The following TPM1 variants were observed in gnomAD, a reference collection of about 807,000 sequenced individuals.
TPM1 encodes the protein tropomyosin alpha-1 chain.
In TPM1, 24 loss-of-function variants were observed where a neutral mutation model predicts 42.9. That is an observed-to-expected ratio of 0.56 (90% CI 0.41 to 0.79). The LOEUF (loss-of-function observed/expected upper bound fraction) is 0.79. TPM1 is among the 30% of genes least tolerant of loss of function. TPM1 has a pLI of 0.00. For missense variants in TPM1, 158 were observed against 351.8 expected, an observed-to-expected ratio of 0.45 and a Z score of 4.41; for synonymous variants, 136 against 130.1, an observed-to-expected ratio of 1.05 and a Z score of -0.31.
intron 2 of TPM1, chr15:63,049,136 A>G (rs1332229847): frequency 4.5e-6 from 1 of 223,428 alleles, no homozygotes; most frequent in Middle Eastern, 1.6e-3. Context: ...CCGACAGGTC[A>G]AGTGGGAGAG....
intron 3 of TPM1, 89 bp from the exon 4 acceptor site, chr15:63,059,474 C>A: frequency 1.9e-6 from 2 of 1,032,958 alleles, no homozygotes; most frequent in East Asian, 2.7e-5. Flanking sequence ...CTACCACTTA[C>A]ACTAAGCCTC....
intron 2 of TPM1, among the ~76,000 whole-genome samples, chr15:63,054,150 G>A (rs2034403151): frequency 6.6e-6 from 1 of 152,132 alleles, no homozygotes; most frequent in African/African-American, 2.4e-5. Context: ...GGTCTGCTGT[G>A]TGTGCCCTAC....
In TPM1 at chr15:63,071,291, T is replaced by C. The variant is rs138843544; in HGVS notation, c.*119T>C. ...CACTGTCACAGAAACATCCACAAGA[T>C]ACCAGCTAGGTCAGGGGGTGGGGAA... On this transcript the variant is annotated 3_prime_UTR_variant, in exon 9 of 9. Transcript: ENST00000267996. 34,187 of 1,175,440 alleles carry C rather than the reference T, an allele frequency of 0.029. 635 individuals carry two copies. The highest frequency in any genetic ancestry group is 0.034 in the Non-Finnish European group (27,728 of 813,722). 72.8% of individuals were successfully genotyped at this position (1,175,440 alleles called of 1,614,324 possible).
At chr15:63,068,654 C>T (rs1386278823), downstream of TPM1, among the ~76,000 whole-genome samples, 1 of 152,304 alleles carries the variant, frequency 6.6e-6, no homozygotes, top group African/African-American at 2.4e-5. Flanking sequence ...CCAGTGCATA[C>T]CGGGCTCTTG....
chr15:63,063,414 C>CT lies in TPM1; in HGVS notation c.773-649dup, dbSNP rs138264204. On this transcript the variant is annotated intron_variant, in intron 8 of 9. Coordinates refer to ENST00000403994, the MANE Select transcript of TPM1 (RefSeq NM_001018005.2). Reference sequence around the variant, plus strand: ...TATGAAACCTGCAGCATTACAAAAACTAAGTTGCAGACTTGCCATATAAAG... The same window carrying CT: ...TATGAAACCTGCAGCATTACAAAAACTTAAGTTGCAGACTTGCCATATAAAG... The CT allele has an allele frequency of 4.0e-3, 3,901 of 978,442 alleles. 76 individuals are homozygous for CT. The African/African-American group carries it at 0.049, about 12-fold the overall frequency. 60.6% of individuals were successfully genotyped at this position (978,442 alleles called of 1,614,324 possible).
intron 2 of TPM1, chr15:63,048,931 C>T (rs572770363): frequency 1.7e-5 from 11 of 638,200 alleles, no homozygotes; most frequent in East Asian, 1.2e-4. Flanking sequence ...GTAAACGCTC[C>T]CAGGGGAAAC....
At chr15:63,068,703 A>G (rs1346237627), downstream of TPM1, among the ~76,000 whole-genome samples, 1 of 152,202 alleles carries the variant, frequency 6.6e-6, no homozygotes, top group Non-Finnish European at 1.5e-5. Context: ...CATCAGATAC[A>G]GACTGACTCC....
At chr15:63,067,105 T>G (rs963002203), downstream of TPM1, among the ~76,000 whole-genome samples, 4 of 112,766 alleles carry the variant, frequency 3.5e-5, no homozygotes, top group Non-Finnish European at 8.0e-5. Context: ...ATTTCTCCTG[T>G]TTTTTTTTTA....
rs1271358231 is a variant in TPM1, at chr15:63,043,626, C to G, written c.115-401C>G. 4 of 1,531,816 alleles carry G rather than the reference C, an allele frequency of 2.6e-6. No individual in the cohort carries two copies. The African/African-American group carries it at 4.1e-5, about 16-fold the overall frequency. The allele number at this position is 1,531,816 out of a possible 1,614,324, so 94.9% of individuals were successfully genotyped here. A position where few individuals can be genotyped will look rare whatever the true frequency, so the allele number is the denominator to read the frequency against. On this transcript the variant is annotated intron_variant, in intron 1 of 9. Transcript: ENST00000403994. ...GCGCCCCGAGCCCGAGGGGCCCCAG[C>G]CAACCCGACGCCCGTGTGTTGTGTG...
chr15:63,061,609 C>T (rs889527913), intron 5 of TPM1, 104 bp from the exon 6 acceptor site: 20 of 1,112,810 alleles, frequency 1.8e-5, no homozygotes, highest in Admixed American at 5.1e-5. Flanking sequence ...GGCAGCCCTT[C>T]GTCTCTAGGA....
At chr15:63,049,076 G>A (rs2033257649) in intron 2 of TPM1, 1 of 273,510 alleles carries the variant, frequency 3.7e-6, no homozygotes, top group Non-Finnish European at 7.2e-6. Context: ...TCTGAGAGTG[G>A]AGAGGGAGGA....
intron 2 of TPM1, chr15:63,047,300 G>A (rs1045610152): frequency 3.3e-5 from 5 of 152,286 alleles, no homozygotes; most frequent in African/African-American, 1.2e-4. Flanking sequence ...TGGAGGAGGA[G>A]AGGGTTGTCA....
At chr15:63,054,231 C>T (rs1424182262) in intron 2 of TPM1, among the ~76,000 whole-genome samples, 1 of 152,164 alleles carries the variant, frequency 6.6e-6, no homozygotes, top group East Asian at 1.9e-4. Flanking sequence ...CTGGGGCACC[C>T]TGTATGAAGC....
At chr15:63,059,937 A>C in intron 4 of TPM1, 1 of 366,240 alleles carries the variant, frequency 2.7e-6, no homozygotes, top group Non-Finnish European at 5.3e-6. Flanking sequence ...AGCCACAAAG[A>C]CCCGGACAAA....
intron 2 of TPM1, chr15:63,048,810 T>A (rs1031892421): frequency 1.4e-6 from 2 of 1,454,418 alleles, no homozygotes; most frequent in East Asian, 2.6e-5. Context: ...CGGTCCCTCG[T>A]CCCCACGCCT....
At chr15:63,048,407 CTGCGACTT>C in intron 2 of TPM1, 1 of 1,359,144 alleles carries the variant, frequency 7.4e-7, no homozygotes, top group South Asian at 1.7e-5. Context: ...GCCCTGGAGG[CTGCGACTT>C]CCGGACTGCT....
In TPM1 at chr15:63,061,586, T is replaced by C. The variant is rs1566965536; in HGVS notation, c.564-127T>C. 8 of 915,720 alleles carry C rather than the reference T, an allele frequency of 8.7e-6. No homozygotes were observed. The East Asian group carries it at 1.9e-4, about 22-fold the overall frequency. 56.7% of individuals were successfully genotyped at this position (915,720 alleles called of 1,614,324 possible). The stretch of plus-strand genomic sequence containing the variant: ...CCTAAACATTTTAATACCTGATGAT[T>C]TGGCTACTTTAAGGCAGCCCTTCGT... On this transcript the variant is annotated intron_variant, in intron 5 of 9. Coordinates refer to ENST00000403994, the MANE Select transcript of TPM1 (RefSeq NM_001018005.2).
At chr15:63,057,268 T>G in intron 3 of TPM1, 150 bp downstream of exon 3, 1 of 1,117,664 alleles carries the variant, frequency 8.9e-7, no homozygotes, top group South Asian at 1.4e-5. Context: ...CTCGGTTGGT[T>G]TTGTTCATTT....
At chr15:63,045,602 G>A (rs1174706958) in intron 2 of TPM1, 1 of 152,210 alleles carries the variant, frequency 6.6e-6, no homozygotes, top group Non-Finnish European at 1.5e-5. Flanking sequence ...GGAAAAGAAT[G>A]CAGAGAATTT....
Sources: gnomAD v4.1 joint callset for allele counts (sites outside exome capture counted in the v4.1 genomes callset) on GRCh38, gnomAD v4.1.1 for gene constraint, MANE v1.5 for transcripts, NCBI Gene and HGNC (gene_info 2026-07-23, HGNC 2026-07-21) for gene names.